Variants in RORA observed in about 807,000 individuals in gnomAD.
RORA encodes nuclear receptor ROR-alpha.
In RORA, 7 loss-of-function variants were observed where a neutral mutation model predicts 69.5. That is an observed-to-expected ratio of 0.10 (90% CI 0.06 to 0.19). The LOEUF (loss-of-function observed/expected upper bound fraction) is 0.19, where lower values mean the gene tolerates loss of function less well. RORA is among the 10% of genes least tolerant of loss of function. The probability of loss-of-function intolerance (pLI) is 1.00; values close to 1 mark genes in which losing one functional copy is unlikely to be tolerated. For synonymous variants in RORA, 261 were observed against 240.8 expected (o/e 1.08, Z -0.78); for missense variants, 457 against 663.0 (o/e 0.69, Z 3.41).
chr15:61,207,863 T>C (rs1218023199), intron 1 of RORA, among the ~76,000 whole-genome samples: 1 of 152,250 alleles, frequency 6.6e-6, no homozygotes, highest in Non-Finnish European at 1.5e-5. Flanking sequence ...TCAAGTTCCC[T>C]AACGCAGAAA....
chr15:61,157,321 T>C (rs566280883), intron 1 of RORA, among the ~76,000 whole-genome samples: 115 of 152,324 alleles, frequency 7.5e-4, no homozygotes, highest in African/African-American at 2.7e-3. Context: ...GTGTTGGGCA[T>C]GACACCCAAC....
intron 10 of RORA, among the ~76,000 whole-genome samples, chr15:60,498,876 A>G (rs1408961968): frequency 1.3e-5 from 2 of 151,914 alleles, no homozygotes; most frequent in African/African-American, 4.8e-5. Flanking sequence ...AAAAAAAACA[A>G]GCAAACAAAT....
intron 1 of RORA, among the ~76,000 whole-genome samples, chr15:60,926,237 A>AATG (rs1241767820): frequency 1.4e-4 from 22 of 152,334 alleles, no homozygotes; most frequent in Admixed American, 6.5e-4. Context: ...CCCTCAATCC[A>AATG]ATGACATTTG....
intron 2 of RORA, among the ~76,000 whole-genome samples, chr15:60,596,744 T>A (rs1021489576): frequency 1.3e-5 from 2 of 152,216 alleles, no homozygotes; most frequent in Admixed American, 1.3e-4. Context: ...ATGTGGTTTA[T>A]CTGCCTTATT....
intron 2 of RORA, among the ~76,000 whole-genome samples, chr15:60,663,614 C>A (rs1349268849): frequency 2.0e-5 from 3 of 152,182 alleles, no homozygotes; most frequent in African/African-American, 7.2e-5. Context: ...CGCCACCATA[C>A]CCGGCTAATT....
intron 3 of RORA, among the ~76,000 whole-genome samples, chr15:60,515,678 A>G (rs748344888): frequency 9.4e-5 from 14 of 148,354 alleles, no homozygotes; most frequent in South Asian, 2.1e-4. Flanking sequence ...CTAACTTTCA[A>G]TAGATTTCTT....
chr15:60,777,347 G>C (rs1420104292), intron 1 of RORA, among the ~76,000 whole-genome samples: 1 of 152,162 alleles, frequency 6.6e-6, no homozygotes, highest in East Asian at 1.9e-4. Flanking sequence ...TGATAGCCTA[G>C]ATATCACGAG....
intron 1 of RORA, among the ~76,000 whole-genome samples, chr15:60,947,242 C>G (rs940572812): frequency 6.6e-6 from 1 of 151,566 alleles, no homozygotes; most frequent in Non-Finnish European, 1.5e-5. Context: ...GCGGTTTTGT[C>G]GAATAGAAAA....
intron 1 of RORA, among the ~76,000 whole-genome samples, chr15:61,047,536 T>C (rs1379112637): frequency 1.3e-5 from 2 of 152,228 alleles, no homozygotes; most frequent in East Asian, 1.9e-4. Flanking sequence ...ATGGAACTTC[T>C]CCTTGGAGTG....
At chr15:60,992,971 C>A (rs963841470) in intron 1 of RORA, among the ~76,000 whole-genome samples, 2 of 152,112 alleles carry the variant, frequency 1.3e-5, no homozygotes, top group Non-Finnish European at 2.9e-5. Context: ...CCACCACCCA[C>A]CCCCTCTCCC....
In RORA at chr15:61,021,581, A is replaced by C. The variant is rs1595884118; in HGVS notation, c.166+207472T>G. On this transcript the variant is annotated intron_variant, in intron 1 of 10. Transcript: ENST00000335670. ...CAGGGAACCTGACCCTGGATCCCAC[A>C]CTCCTAGCCACAGAACAACACTGCC... Among the ~76,000 whole-genome samples, 3 of 152,260 alleles carry C rather than the reference A, an allele frequency of 2.0e-5. 1 individual carries two copies. The highest frequency in any genetic ancestry group is 4.1e-4 in the South Asian group (2 of 4,824).
intron 1 of RORA, among the ~76,000 whole-genome samples, chr15:61,133,754 A>G (rs2140848894): frequency 6.6e-6 from 1 of 152,302 alleles, no homozygotes; most frequent in South Asian, 2.1e-4. Context: ...CTGTGGCATT[A>G]TACTTAAGGT....
intron 1 of RORA, among the ~76,000 whole-genome samples, chr15:60,723,381 C>CG (rs1218630490): frequency 1.3e-5 from 2 of 149,588 alleles, no homozygotes; most frequent in African/African-American, 4.9e-5. Context: ...AACCATTCCC[C>CG]CCCCCACTCA....
chr15:61,160,552 C>CGAA (rs1218393346), intron 1 of RORA, among the ~76,000 whole-genome samples: 1 of 152,114 alleles, frequency 6.6e-6, no homozygotes, highest in African/African-American at 2.4e-5. Context: ...GAAACAACGG[C>CGAA]GAAGAAGGGG....
At chr15:60,982,452 G>C (rs940113738) in intron 1 of RORA, among the ~76,000 whole-genome samples, 2 of 152,154 alleles carry the variant, frequency 1.3e-5, no homozygotes, top group South Asian at 2.1e-4. Flanking sequence ...CATTGCCTTA[G>C]ACAGTAGAGA....
At chr15:60,833,207 CTTCT>C (rs1448049801) in intron 1 of RORA, among the ~76,000 whole-genome samples, 1 of 149,600 alleles carries the variant, frequency 6.7e-6, no homozygotes, top group Non-Finnish European at 1.5e-5. Flanking sequence ...CCAGCCGAGT[CTTCT>C]TTTTTTATTT....
intron 1 of RORA, among the ~76,000 whole-genome samples, chr15:60,865,884 C>G (rs193121309): frequency 4.6e-5 from 7 of 152,234 alleles, no homozygotes; most frequent in African/African-American, 1.4e-4. Context: ...AGGGGTAATG[C>G]TTTACGCCTT....
At chr15:61,161,735 T>C (rs149641290) in intron 1 of RORA, among the ~76,000 whole-genome samples, 146 of 152,294 alleles carry the variant, frequency 9.6e-4, no homozygotes, top group African/African-American at 3.4e-3. Context: ...AGATGCTAAT[T>C]ACAGGCAATT....
chr15:60,874,281 T>A (rs1037823141), intron 1 of RORA, among the ~76,000 whole-genome samples: 4 of 152,222 alleles, frequency 2.6e-5, no homozygotes, highest in African/African-American at 9.6e-5. Context: ...AGAAACAAAA[T>A]GTTTTATCTT....
Sources: gnomAD v4.1 joint callset for allele counts (sites outside exome capture counted in the v4.1 genomes callset) on GRCh38, gnomAD v4.1.1 for gene constraint, MANE v1.5 for transcripts, NCBI Gene and HGNC (gene_info 2026-07-23, HGNC 2026-07-21) for gene names.